RYR2: variants seen among roughly 807,000 people sequenced by gnomAD.
RYR2 encodes the protein ryanodine receptor 2.
A neutral mutation model predicts 601.1 loss-of-function variants in RYR2; 227 were observed. That is an observed-to-expected ratio of 0.38 (90% CI 0.34 to 0.42). RYR2 has a LOEUF of 0.42. Among genes scored for constraint, RYR2 ranks in the 10% least tolerant of loss-of-function variants. The pLI, the probability that RYR2 is intolerant of heterozygous loss-of-function variation, is 1.00. For synonymous variants in RYR2, 2,223 were observed against 2,175.1 expected, an observed-to-expected ratio of 1.02 and a Z score of -0.61; for missense variants, 4,646 against 6,156.5, an observed-to-expected ratio of 0.75 and a Z score of 8.21.
chr1:237,600,899 T>A (rs1229942450), intron 34 of RYR2, among the ~76,000 whole-genome samples: 1 of 152,120 alleles, frequency 6.6e-6, no homozygotes, highest in Non-Finnish European at 1.5e-5. Flanking sequence ...TATTACCTTA[T>A]TCCAGTTAAA....
chr1:237,184,911 C>G (rs1679184176), intron 1 of RYR2, among the ~76,000 whole-genome samples: 1 of 147,864 alleles, frequency 6.8e-6, no homozygotes, highest in African/African-American at 2.6e-5. Context: ...TGCTCTGTTG[C>G]CAAGGCTGAG....
chr1:237,660,024 T>A lies in RYR2; in HGVS notation c.8248T>A (p.Ser2750Thr), dbSNP rs547987180. The A allele has an allele frequency of 1.6e-5, 25 of 1,588,984 alleles. 1 individual carries two copies. The African/African-American group carries it at 2.7e-4, about 17-fold the overall frequency. The stretch of plus-strand genomic sequence containing the variant: ...GATTTATGGAGAAATATATTCAGAC[T>A]CTTCTAAGGTTCAGCCATTAATGAA... The part of the protein sequence containing the change: ...GWIYGEIYSD[S>T]SKVQPLMKPY... Residue 2750 changes from serine to threonine, a missense_variant, in exon 55 of 105, where the codon TCT becomes ACT. By Grantham distance (58) the Ser-to-Thr change is moderately conservative. Coordinates refer to ENST00000366574, the MANE Select transcript of RYR2 (RefSeq NM_001035.3).
intron 10 of RYR2, among the ~76,000 whole-genome samples, chr1:237,399,306 A>G (rs1303782211): frequency 2.0e-5 from 3 of 152,172 alleles, no homozygotes; most frequent in Non-Finnish European, 4.4e-5. Flanking sequence ...GTGTGATTCC[A>G]TTTTCATAAC....
intron 1 of RYR2, among the ~76,000 whole-genome samples, chr1:237,085,372 CTCTTG>C (rs1238334280): frequency 6.6e-6 from 1 of 152,192 alleles, no homozygotes; most frequent in African/African-American, 2.4e-5. Flanking sequence ...GGAAAAGTTA[CTCTTG>C]TCTTTTGGAG....
chr1:237,320,965 G>GTTT (rs11443660), intron 2 of RYR2, among the ~76,000 whole-genome samples: 2 of 146,582 alleles, frequency 1.4e-5, no homozygotes, highest in African/African-American at 5.0e-5. Flanking sequence ...TCACATTTAG[G>GTTT]TTTTTTTTTT....
Position 237,550,584 on chromosome 1 carries a change from C to G in RYR2, c.3107C>G (p.Thr1036Ser), listed in dbSNP as rs772963051. 2.5e-6 allele frequency: 4 copies of G among 1,608,244 alleles called. No homozygotes were observed. The Admixed American group carries it at 5.1e-5, about 20-fold the overall frequency. Residue 1036 changes from threonine to serine, a missense_variant, in exon 27 of 105, where the codon ACT (threonine) becomes AGT (serine). Thr to Ser is a moderately conservative substitution (Grantham distance 58). Around this residue, in one of 17 missense-constraint regions of RYR2, gnomAD observed 1,807 missense variants for 2,088.1 expected, o/e 0.87. Coordinates refer to ENST00000366574, the MANE Select transcript of RYR2 (RefSeq NM_001035.3). ...NRRNPRLVPYTLLDDRTKKSN... is the reference protein window; with the variant it reads ...NRRNPRLVPYSLLDDRTKKSN... ...AGAAATCCTCGCCTTGTTCCCTACA[C>G]TCTTCTGGATGACCGAACCAAGAAA...
intron 91 of RYR2, among the ~76,000 whole-genome samples, chr1:237,786,693 T>C (rs1241308554): frequency 6.6e-6 from 1 of 152,244 alleles, no homozygotes; most frequent in African/African-American, 2.4e-5. Flanking sequence ...AATCGAAGCC[T>C]ACATCTTTCT....
At chr1:237,304,170 A>G (rs1490960330) in intron 2 of RYR2, among the ~76,000 whole-genome samples, 1 of 152,172 alleles carries the variant, frequency 6.6e-6, no homozygotes, top group Admixed American at 6.5e-5. Flanking sequence ...AGACTTTAAA[A>G]AAATGTCATC....
At chr1:237,796,410 C>T (rs188122626) in intron 96 of RYR2, among the ~76,000 whole-genome samples, 155 of 152,226 alleles carry the variant, frequency 1.0e-3, no homozygotes, top group Non-Finnish European at 1.5e-3. Flanking sequence ...AGGACACAGT[C>T]CCGAGAGAAT....
chr1:237,721,973 A>G (rs1272207414), intron 73 of RYR2, among the ~76,000 whole-genome samples: 3 of 152,204 alleles, frequency 2.0e-5, no homozygotes, highest in Non-Finnish European at 4.4e-5. Context: ...TCACCAAGGA[A>G]ATTTGATGCT....
chr1:237,506,784 T>G lies in RYR2; in HGVS notation c.2688T>G (p.Asn896Lys). Residue 896 changes from asparagine to lysine, a missense_variant, in exon 23 of 105, where the codon AAT (asparagine) becomes AAG (lysine). Transcript: ENST00000366574. ...AENIHELWVM[N>K]KIELGWQYGP... Reference sequence around the variant, plus strand: ...ATATCCATGAACTCTGGGTTATGAATAAAATTGAGCTTGGCTGGCAGTATG... The same window carrying G: ...ATATCCATGAACTCTGGGTTATGAAGAAAATTGAGCTTGGCTGGCAGTATG... 6.2e-7 allele frequency: 1 copy of G among 1,613,804 alleles called. No homozygotes were observed. Among genetic ancestry groups the G allele is most frequent in the Non-Finnish European group, 8.5e-7 (1 of 1,179,750 alleles).
intron 29 of RYR2, among the ~76,000 whole-genome samples, chr1:237,585,413 GC>G (rs1382953821): frequency 2.0e-5 from 3 of 152,172 alleles, no homozygotes; most frequent in African/African-American, 7.2e-5. Context: ...AGCCATGTGT[GC>G]TGGGAATTTC....
chr1:237,582,948 A>G (rs1319175142), intron 29 of RYR2, among the ~76,000 whole-genome samples: 1 of 150,430 alleles, frequency 6.6e-6, no homozygotes, highest in Non-Finnish European at 1.5e-5. Context: ...ATACCCAGTA[A>G]TGGGATTGCT....
chr1:237,481,827 AAAAAAAAAC>A (rs1662137436), intron 17 of RYR2, among the ~76,000 whole-genome samples: 1 of 148,948 alleles, frequency 6.7e-6, no homozygotes, highest in African/African-American at 2.5e-5. Context: ...AAAAAAAAAA[AAAAAAAAAC>A]CACCTCCCAA....
At chr1:237,632,798 C>T (rs141214439) in intron 42 of RYR2, among the ~76,000 whole-genome samples, 1 of 152,198 alleles carries the variant, frequency 6.6e-6, no homozygotes, top group Non-Finnish European at 1.5e-5. Context: ...AATTTTATAA[C>T]CTCTGATATG....
chr1:237,306,355 T>C (rs1239128331), intron 2 of RYR2, among the ~76,000 whole-genome samples: 2 of 152,220 alleles, frequency 1.3e-5, no homozygotes, highest in Non-Finnish European at 2.9e-5. Context: ...GATTGGTCAA[T>C]GACTTAGCAA....
At chr1:237,222,641 G>A (rs944029427) in intron 1 of RYR2, among the ~76,000 whole-genome samples, 9 of 152,094 alleles carry the variant, frequency 5.9e-5, no homozygotes, top group African/African-American at 2.2e-4. Flanking sequence ...CTTTATTTAA[G>A]GTTTTGACGA....
chr1:237,210,483 T>A (rs1682453095), intron 1 of RYR2, among the ~76,000 whole-genome samples: 1 of 152,208 alleles, frequency 6.6e-6, no homozygotes, highest in Non-Finnish European at 1.5e-5. Context: ...TCATTTCTTG[T>A]ATCTCTCATG....
chr1:237,473,989 G>T (rs1188933828), intron 17 of RYR2, among the ~76,000 whole-genome samples: 1 of 151,890 alleles, frequency 6.6e-6, no homozygotes, highest in Non-Finnish European at 1.5e-5. Context: ...CATTTCTGTT[G>T]CCAATAGTGA....
Sources: gnomAD v4.1 joint callset for allele counts (sites outside exome capture counted in the v4.1 genomes callset) on GRCh38, gnomAD v4.1.1 for gene constraint, gnomAD v4.1.1 regional missense constraint, MANE v1.5 for transcripts, NCBI Gene and HGNC (gene_info 2026-07-23, HGNC 2026-07-21) for gene names.